The following PCDHAC1 variants were observed in gnomAD, a reference collection of about 807,000 sequenced individuals.
PCDHAC1 encodes protocadherin alpha subfamily C, 1.
In PCDHAC1, 42 loss-of-function variants were observed where a neutral mutation model predicts 60.0. The observed-to-expected ratio is 0.70, with a 90% CI of 0.55 to 0.90. PCDHAC1 has a LOEUF of 0.90. Among genes scored for constraint, PCDHAC1 ranks in the 40% least tolerant of loss-of-function variants. The pLI is 0.00. For synonymous variants in PCDHAC1, 468 were observed against 499.3 expected, an observed-to-expected ratio of 0.94 and a Z score of 0.84; for missense variants, 1,160 against 1,222.3, an observed-to-expected ratio of 0.95 and a Z score of 0.76.
At chr5:141,007,974 A>G (rs2098354254) in intron 3 of PCDHAC1, among the ~76,000 whole-genome samples, 1 of 152,220 alleles carries the variant, frequency 6.6e-6, no homozygotes, top group Non-Finnish European at 1.5e-5. Flanking sequence ...GGTGTCTGTC[A>G]TGTATATATG....
At chr5:140,968,349 G>A (rs1554230631) in intron 1 of PCDHAC1, 2 of 1,614,128 alleles carry the variant, frequency 1.2e-6, no homozygotes, top group Admixed American at 3.3e-5. Context: ...AACAGTGCCA[G>A]TGGCAGCCTT....
rs2096504149 is a variant in PCDHAC1 at position 140,971,885 on chromosome 5, T to G, written c.2434-7064T>G. Among the ~76,000 whole-genome samples the G allele has an allele frequency of 2.0e-5, 3 of 152,134 alleles. No individual in the cohort carries two copies. In the South Asian group the frequency reaches 6.2e-4, roughly 31 times the overall value. ...ACATCTAGCATATGAGGAAATAAGC[T>G]CAGGGAGGTTAGGTAATCTACACAG... On this transcript the variant is annotated intron_variant, in intron 1 of 3. Coordinates refer to ENST00000253807, the MANE Select transcript of PCDHAC1 (RefSeq NM_018898.5).
At chr5:140,941,375 G>A (rs1441847516) in intron 1 of PCDHAC1, among the ~76,000 whole-genome samples, 1 of 134,938 alleles carries the variant, frequency 7.4e-6, no homozygotes, top group Non-Finnish European at 1.5e-5. Context: ...GGAGTGTAGT[G>A]ACAGGATTTT....
intron 3 of PCDHAC1, among the ~76,000 whole-genome samples, chr5:140,987,107 G>C (rs936936352): frequency 2.0e-5 from 3 of 151,876 alleles, no homozygotes; most frequent in Admixed American, 6.6e-5. Context: ...CCAGCTACTC[G>C]GGAGGCTGAG....
chr5:140,997,713 T>C (rs2097782364), intron 3 of PCDHAC1, among the ~76,000 whole-genome samples: 1 of 151,942 alleles, frequency 6.6e-6, no homozygotes, highest in African/African-American at 2.4e-5. Flanking sequence ...AACAAACACC[T>C]TTCTACGTCA....
At chr5:140,946,546 A>G (rs1418590491) in intron 1 of PCDHAC1, among the ~76,000 whole-genome samples, 5 of 150,480 alleles carry the variant, frequency 3.3e-5, no homozygotes, top group Admixed American at 1.3e-4. Flanking sequence ...AGCATTATTC[A>G]TGATAGTTCA....
chr5:140,998,987 G>A (rs1381033392), intron 3 of PCDHAC1, among the ~76,000 whole-genome samples: 1 of 152,234 alleles, frequency 6.6e-6, no homozygotes. Context: ...ATAGTAGAAA[G>A]CAGAATGCTG....
At chr5:140,963,631 G>A (rs1168776991) in intron 1 of PCDHAC1, among the ~76,000 whole-genome samples, 2 of 152,144 alleles carry the variant, frequency 1.3e-5, no homozygotes, top group African/African-American at 2.4e-5. Flanking sequence ...TGTTGCATAC[G>A]CATCTTCCCT....
At chr5:140,948,136 T>C (rs2094216707) in intron 1 of PCDHAC1, among the ~76,000 whole-genome samples, 1 of 151,776 alleles carries the variant, frequency 6.6e-6, no homozygotes, top group African/African-American at 2.4e-5. Flanking sequence ...ATTACACTAA[T>C]TGATTTTTGA....
chr5:141,001,370 T>G (rs1187805238), intron 3 of PCDHAC1, among the ~76,000 whole-genome samples: 1 of 152,218 alleles, frequency 6.6e-6, no homozygotes, highest in African/African-American at 2.4e-5. Context: ...ACTATTCTGA[T>G]TACAGAGCCT....
At chr5:140,951,723 A>G (rs1364455679) in intron 1 of PCDHAC1, among the ~76,000 whole-genome samples, 3 of 152,104 alleles carry the variant, frequency 2.0e-5, no homozygotes, top group Non-Finnish European at 4.4e-5. Flanking sequence ...GATCCAAACC[A>G]TGTCATTCTG....
At position 140,969,226 on chromosome 5, in the gene PCDHAC1, G is replaced by A. The variant is rs145631723; in HGVS notation, c.2434-9723G>A. 3.9e-4 allele frequency: 622 copies of A among 1,614,150 alleles called. 3 individuals are homozygous for A. The African/African-American group carries it at 5.9e-3, about 15-fold the overall frequency. On this transcript the variant is annotated intron_variant, in intron 1 of 3. Transcript: ENST00000253807. Reference sequence around the variant, plus strand: ...GGGCCCAGACAGGACCAGGGCCTTCGGGAGCCCAAGCAGCAGTGACTGACA... The same window carrying A: ...GGGCCCAGACAGGACCAGGGCCTTCAGGAGCCCAAGCAGCAGTGACTGACA...
At position 140,927,921 on chromosome 5, in the gene PCDHAC1, G is replaced by A; in HGVS notation, c.1029G>A (p.Leu343=). Residue 343 remains leucine, a synonymous_variant, in exon 1 of 4, where the codon CTG becomes CTA. Transcript: ENST00000253807. The stretch of plus-strand genomic sequence containing the variant: ...ATCATGCCCCCGAACTGGACTTCCT[G>A]ACTCTTTCGAACCCAGTACCTGAGG... ...VNDHAPELDF[L]TLSNPVPEDA... 2 of 1,614,194 alleles carry A rather than the reference G, an allele frequency of 1.2e-6. No individual in the cohort carries two copies. The highest frequency in any genetic ancestry group is 1.1e-5 in the South Asian group (1 of 91,088).
At chr5:140,941,202 C>CTTTTCTTTCTTCCTTTCTTT (rs1554213921) in intron 1 of PCDHAC1, among the ~76,000 whole-genome samples, 1 of 122,742 alleles carries the variant, frequency 8.1e-6, no homozygotes, top group Non-Finnish European at 1.8e-5. Flanking sequence ...TTTCTTTCTT[C>CTTTTCTTTCTTCCTTTCTTT]CTTTCTTTCT....
At chr5:140,985,086 T>C (rs564487119) in intron 3 of PCDHAC1, among the ~76,000 whole-genome samples, 1 of 152,000 alleles carries the variant, frequency 6.6e-6, no homozygotes, top group Non-Finnish European at 1.5e-5. Context: ...TACAGGCGTG[T>C]GCCACCAAGC....
chr5:140,973,178 G>A (rs188308697), intron 1 of PCDHAC1, among the ~76,000 whole-genome samples: 1 of 152,282 alleles, frequency 6.6e-6, no homozygotes, highest in Admixed American at 6.5e-5. Flanking sequence ...CAAACCTTCA[G>A]TTATTTCTGC....
At chr5:140,951,431 G>A (rs1003684083) in intron 1 of PCDHAC1, among the ~76,000 whole-genome samples, 1 of 152,044 alleles carries the variant, frequency 6.6e-6, no homozygotes, top group Non-Finnish European at 1.5e-5. Context: ...TCCACAGGCT[G>A]TAGGAAGCAT....
At chr5:140,957,852 AT>A (rs5871756) in intron 1 of PCDHAC1, among the ~76,000 whole-genome samples, 2 of 151,658 alleles carry the variant, frequency 1.3e-5, no homozygotes, top group African/African-American at 2.4e-5. Context: ...GAGTTTGTGT[AT>A]TTTTTTTCCT....
chr5:141,006,448 C>T lies in PCDHAC1; in HGVS notation c.2582-3179C>T, dbSNP rs968765348. ...CAGGATGGTCTCAATCTCCTGACCT[C>T]GAGATCTGCCTGTCTCGGCCTCCCA... On this transcript the variant is annotated intron_variant, in intron 3 of 3. Coordinates refer to ENST00000253807, the MANE Select transcript of PCDHAC1 (RefSeq NM_018898.5). Among the ~76,000 whole-genome samples, 4 of 152,122 alleles carry T rather than the reference C, an allele frequency of 2.6e-5. No homozygotes were observed. In the East Asian group the frequency reaches 7.7e-4, roughly 29 times the overall value.
Sources: allele counts gnomAD v4.1 joint callset (sites outside exome capture counted in the v4.1 genomes callset), GRCh38; gene constraint gnomAD v4.1.1; transcripts MANE v1.5; gene names NCBI Gene and HGNC (gene_info 2026-07-23, HGNC 2026-07-21).